CDH18: variants seen among roughly 807,000 people sequenced by gnomAD.
CDH18 encodes the protein cadherin-18.
Under a neutral mutation model 67.9 loss-of-function variants are expected in CDH18, and 31 were observed. The ratio of observed to expected loss-of-function variants is 0.46; its 90% CI spans 0.34 to 0.62. CDH18 has a LOEUF of 0.62. Among genes scored for constraint, CDH18 ranks in the 20% least tolerant of loss-of-function variants. The pLI is 0.01. For synonymous variants in CDH18, 362 were observed against 347.2 expected, an observed-to-expected ratio of 1.04 and a Z score of -0.48; for missense variants, 890 against 975.5, an observed-to-expected ratio of 0.91 and a Z score of 1.17.
chr5:19,911,848 A>G (rs185299081), intron 2 of CDH18, among the ~76,000 whole-genome samples: 4 of 152,326 alleles, frequency 2.6e-5, no homozygotes, highest in Admixed American at 2.6e-4. Context: ...GTGAGTTTCA[A>G]AGTGTTATTT....
At chr5:20,119,963 A>G (rs78684573) in intron 2 of CDH18, among the ~76,000 whole-genome samples, 4,136 of 152,210 alleles carry the variant, frequency 0.027, 69 homozygotes, top group Middle Eastern at 0.048. Context: ...CACTATACTC[A>G]TAATTACCAC....
rs140268330 is a variant in CDH18 at position 19,493,027 on chromosome 5, G to T, written c.1631-9475C>A. ...TCCCTCTCTAGATTTTTCCAACCAA[G>T]TAATTGACGCTGCATTCTGTCATCT... On this transcript the variant is annotated intron_variant, in intron 11 of 12. Transcript: ENST00000382275. 6.2e-3 allele frequency among the ~76,000 whole-genome samples: 939 copies of T among 152,218 alleles called. 5 individuals carry two copies. Among genetic ancestry groups the T allele is most frequent in the South Asian group, 0.011 (52 of 4,830 alleles).
intron 1 of CDH18, among the ~76,000 whole-genome samples, chr5:20,350,641 T>G (rs1741090113): frequency 6.6e-6 from 1 of 152,166 alleles, no homozygotes; most frequent in African/African-American, 2.4e-5. Context: ...CTGCTGTGTT[T>G]CATGACTTTT....
chr5:19,962,237 G>A (rs1299010145), intron 2 of CDH18, among the ~76,000 whole-genome samples: 1 of 151,370 alleles, frequency 6.6e-6, no homozygotes, highest in East Asian at 1.9e-4. Flanking sequence ...TATTTTACAT[G>A]AGTATCAAAT....
Position 19,994,855 on chromosome 5 carries a change from T to TATATATATATATATAGAGAGAG in CDH18, c.-517-2842_-517-2841insCTCTCTCTATATATATATATAT, listed in dbSNP as rs760777430. On this transcript the variant is annotated intron_variant, in intron 2 of 14. Coordinates refer to the CDH18 transcript ENST00000507958. Reference sequence around the variant, plus strand: ...ATATATATATATATATATATATATATAGAGAGAGAGAGAGAGAGAGAGATG... The same window carrying TATATATATATATATAGAGAGAG: ...ATATATATATATATATATATATATATATATATATATATATAGAGAGAGAGAGAGAGAGAGAGAGAGAGAGATG... Among the ~76,000 whole-genome samples, 7 of 67,586 alleles carry TATATATATATATATAGAGAGAG rather than the reference T, an allele frequency of 1.0e-4. 2 individuals carry two copies. The highest frequency in any genetic ancestry group is 1.5e-4 in the African/African-American group (2 of 13,586). 44.3% of individuals were successfully genotyped at this position (67,586 alleles called of 152,430 possible). A position where few individuals can be genotyped will look rare whatever the true frequency, so the allele number is the denominator to read the frequency against.
chr5:20,416,798 G>A (rs568093609), intron 1 of CDH18, among the ~76,000 whole-genome samples: 16 of 152,134 alleles, frequency 1.1e-4, no homozygotes, highest in South Asian at 1.0e-3. Context: ...TTTACAGCAT[G>A]AGAAAACTTA....
At chr5:19,522,227 C>T (rs1561260290) in intron 9 of CDH18, among the ~76,000 whole-genome samples, 1 of 151,916 alleles carries the variant, frequency 6.6e-6, no homozygotes, top group Admixed American at 6.6e-5. Context: ...AAATAAAATG[C>T]AATATTCATA....
At chr5:19,642,231 A>G (rs1195501498) in intron 5 of CDH18, among the ~76,000 whole-genome samples, 2 of 152,066 alleles carry the variant, frequency 1.3e-5, no homozygotes, top group Non-Finnish European at 2.9e-5. Flanking sequence ...AAGAATCAAC[A>G]CTGCTGCAAT....
intron 2 of CDH18, among the ~76,000 whole-genome samples, chr5:20,255,104 C>T (rs1020509901): frequency 2.6e-5 from 4 of 151,884 alleles, no homozygotes; most frequent in African/African-American, 7.3e-5. Flanking sequence ...AATAAGGGAA[C>T]AAAAGACATG....
intron 5 of CDH18, among the ~76,000 whole-genome samples, chr5:19,618,803 C>A (rs1750247134): frequency 6.6e-6 from 1 of 152,042 alleles, no homozygotes; most frequent in Admixed American, 6.6e-5. Context: ...GGTACCTGGC[C>A]TTAAGGTTCT....
At chr5:19,812,038 T>C (rs924123812) in intron 3 of CDH18, among the ~76,000 whole-genome samples, 23 of 152,122 alleles carry the variant, frequency 1.5e-4, no homozygotes, top group African/African-American at 5.6e-4. Flanking sequence ...TAAGGACCCA[T>C]CTGGAAAGTA....
chr5:20,568,805 T>C (rs1758655633), intron 1 of CDH18, among the ~76,000 whole-genome samples: 1 of 152,168 alleles, frequency 6.6e-6, no homozygotes, highest in Non-Finnish European at 1.5e-5. Context: ...TCAAGAGTCC[T>C]TCCAAAATGT....
intron 2 of CDH18, among the ~76,000 whole-genome samples, chr5:20,207,351 T>C (rs937367098): frequency 6.6e-6 from 1 of 150,766 alleles, no homozygotes; most frequent in African/African-American, 2.4e-5. Context: ...TAAAAAAAGG[T>C]ATTCCAAGCT....
At chr5:20,362,360 T>C (rs1449709044) in intron 1 of CDH18, among the ~76,000 whole-genome samples, 3 of 152,298 alleles carry the variant, frequency 2.0e-5, no homozygotes, top group Non-Finnish European at 4.4e-5. Flanking sequence ...AGGATACTGT[T>C]GATACAGCGC....
intron 2 of CDH18, among the ~76,000 whole-genome samples, chr5:19,924,451 A>G (rs1280727426): frequency 6.6e-6 from 1 of 152,056 alleles, no homozygotes; most frequent in African/African-American, 2.4e-5. Context: ...AGCCTGGTCA[A>G]CGTGGCAAAA....
chr5:20,364,971 G>A (rs1742391507), intron 1 of CDH18, among the ~76,000 whole-genome samples: 3 of 152,168 alleles, frequency 2.0e-5, no homozygotes, highest in African/African-American at 7.2e-5. Flanking sequence ...GTAAGTATCT[G>A]AATAAAATGG....
At chr5:19,539,505 A>T (rs1561298317) in intron 9 of CDH18, among the ~76,000 whole-genome samples, 1 of 152,326 alleles carries the variant, frequency 6.6e-6, no homozygotes, top group East Asian at 1.9e-4. Flanking sequence ...TAGTGAAAAA[A>T]AATTAATCTA....
intron 8 of CDH18, among the ~76,000 whole-genome samples, chr5:19,565,338 T>A (rs1740181802): frequency 6.6e-6 from 1 of 152,124 alleles, no homozygotes; most frequent in Non-Finnish European, 1.5e-5. Flanking sequence ...TCCAGGCAGA[T>A]CAACATGGAC....
intron 5 of CDH18, among the ~76,000 whole-genome samples, chr5:19,614,889 T>C (rs1749563084): frequency 6.6e-6 from 1 of 152,174 alleles, no homozygotes; most frequent in South Asian, 2.1e-4. Flanking sequence ...GGCTCAGGCC[T>C]ATAATCCCAG....
Sources: allele counts gnomAD v4.1 joint callset (sites outside exome capture counted in the v4.1 genomes callset), GRCh38; gene constraint gnomAD v4.1.1; transcripts MANE v1.5; gene names NCBI Gene and HGNC (gene_info 2026-07-23, HGNC 2026-07-21).